DNAH7: variants seen among roughly 807,000 people sequenced by gnomAD.
The protein encoded by DNAH7 is dynein axonemal heavy chain 7.
A neutral mutation model predicts 444.6 loss-of-function variants in DNAH7; 397 were observed. That is an observed-to-expected ratio of 0.89 (90% CI 0.82 to 0.97). The LOEUF is 0.97. Ranked by LOEUF, DNAH7 falls within the 50% of genes least tolerant of loss-of-function variation. The pLI is 0.00. For missense variants in DNAH7, 4,902 were observed against 4,800.8 expected, an observed-to-expected ratio of 1.02 and a Z score of -0.62; for synonymous variants, 1,636 against 1,624.4, an observed-to-expected ratio of 1.01 and a Z score of -0.17.
chr2:195,954,186 C>A (rs1249272460), intron 19 of DNAH7, among the ~76,000 whole-genome samples: 1 of 152,120 alleles, frequency 6.6e-6, no homozygotes, highest in Non-Finnish European at 1.5e-5. Flanking sequence ...ACTCTCCCCA[C>A]CCCACGACAG....
At chr2:195,818,923 CTTTTTAA>C (rs1373820311) in intron 49 of DNAH7, among the ~76,000 whole-genome samples, 5 of 151,968 alleles carry the variant, frequency 3.3e-5, no homozygotes, top group African/African-American at 1.2e-4. Context: ...TATCACCAAT[CTTTTTAA>C]TTTTTAATTT....
At chr2:195,985,505 T>C (rs1250604391) in intron 14 of DNAH7, among the ~76,000 whole-genome samples, 2 of 152,182 alleles carry the variant, frequency 1.3e-5, no homozygotes, top group Non-Finnish European at 2.9e-5. Flanking sequence ...CTGAATGGTG[T>C]GACAGACTTC....
chr2:196,054,281 G>A (rs778858817), intron 2 of DNAH7, among the ~76,000 whole-genome samples: 12 of 152,170 alleles, frequency 7.9e-5, no homozygotes, highest in Admixed American at 5.2e-4. Flanking sequence ...AGCACTTTGG[G>A]AGGCAAAGGG....
chr2:196,028,073 C>A, intron 5 of DNAH7, 26 bp from the exon 6 acceptor site: 1 of 1,586,738 alleles, frequency 6.3e-7, no homozygotes, highest in South Asian at 1.1e-5. Flanking sequence ...ACATACTATT[C>A]AAAAGTAGAT....
chr2:195,791,340 G>A (rs896689595), intron 57 of DNAH7, among the ~76,000 whole-genome samples: 9 of 147,818 alleles, frequency 6.1e-5, no homozygotes, highest in South Asian at 2.2e-4. Flanking sequence ...GGTGGCGGGC[G>A]CCTGTAGTCC....
intron 63 of DNAH7, among the ~76,000 whole-genome samples, chr2:195,747,256 G>T (rs1437449014): frequency 1.3e-5 from 2 of 152,144 alleles, no homozygotes; most frequent in Non-Finnish European, 2.9e-5. Flanking sequence ...TAGAAGAAAT[G>T]GATAAATTCC....
intron 46 of DNAH7, among the ~76,000 whole-genome samples, chr2:195,847,431 A>G (rs1330224842): frequency 6.6e-6 from 1 of 151,962 alleles, no homozygotes; most frequent in African/African-American, 2.4e-5. Context: ...TATAAGTGGG[A>G]GCTAAATGAT....
chr2:195,829,735 TA>T (rs1470583514), intron 48 of DNAH7, among the ~76,000 whole-genome samples: 1 of 152,056 alleles, frequency 6.6e-6, no homozygotes, highest in African/African-American at 2.4e-5. Flanking sequence ...TTAATATATG[TA>T]AAAATCATTT....
At chr2:195,994,790 G>A in intron 12 of DNAH7, 2 of 467,436 alleles carry the variant, frequency 4.3e-6, no homozygotes, top group Middle Eastern at 7.0e-4. Context: ...GCGGTTAATA[G>A]TTTGAGGTCC....
chr2:195,796,103 G>GCC (rs1255979018), intron 56 of DNAH7, among the ~76,000 whole-genome samples: 1 of 152,196 alleles, frequency 6.6e-6, no homozygotes, highest in South Asian at 2.1e-4. Flanking sequence ...TGGGAACAGT[G>GCC]CCCTTTGGGT....
chr2:196,026,904 C>T lies in DNAH7; in HGVS notation c.523G>A (p.Asp175Asn). The change falls in exon 7 of 65, where the codon GAC becomes AAC. Residue 175 changes from aspartate to asparagine, a missense_variant. Coordinates refer to ENST00000312428, the MANE Select transcript of DNAH7 (RefSeq NM_018897.3). ...YYYIHHGIDT[D>N]HVAPMEDSWL... ...GAATCTTCCATTGGGGCTACATGGT[C>T]TGTATCAATTCCATGGTGAATATAA... The T allele has an allele frequency of 6.2e-7, 1 of 1,611,592 alleles. No homozygotes were observed. The highest frequency in any genetic ancestry group is 2.2e-5 in the East Asian group (1 of 44,722).
chr2:195,882,442 A>C (rs1341939846), intron 35 of DNAH7, among the ~76,000 whole-genome samples: 18 of 152,216 alleles, frequency 1.2e-4, no homozygotes, highest in Admixed American at 1.2e-3. Context: ...TTATCATTGC[A>C]GGCAAAATTT....
intron 10 of DNAH7, among the ~76,000 whole-genome samples, chr2:196,009,441 G>C (rs566511688): frequency 1.1e-4 from 17 of 152,158 alleles, no homozygotes; most frequent in South Asian, 1.0e-3. Flanking sequence ...AATTTCAAAA[G>C]AGAACAAAAA....
chr2:196,053,945 T>G (rs1311362104), intron 2 of DNAH7, among the ~76,000 whole-genome samples: 1 of 152,196 alleles, frequency 6.6e-6, no homozygotes, highest in African/African-American at 2.4e-5. Context: ...ATGAAGCCCA[T>G]GTGTTCCCAC....
chr2:195,918,430 C>T (rs1687818746), intron 24 of DNAH7, among the ~76,000 whole-genome samples: 1 of 152,286 alleles, frequency 6.6e-6, no homozygotes, highest in Admixed American at 6.5e-5. Flanking sequence ...AGTTATTTAC[C>T]CAAATGAGTT....
intron 48 of DNAH7, among the ~76,000 whole-genome samples, chr2:195,830,802 CTCA>C (rs1698031407): frequency 6.6e-6 from 1 of 152,184 alleles, no homozygotes; most frequent in African/African-American, 2.4e-5. Flanking sequence ...CTTCTAAATC[CTCA>C]TTTTGTCTGT....
intron 60 of DNAH7, 42 bp from the exon 61 acceptor site, chr2:195,771,932 G>T: frequency 6.5e-7 from 1 of 1,544,090 alleles, no homozygotes; most frequent in Non-Finnish European, 9.0e-7. Flanking sequence ...CCTCATAAAG[G>T]TCTAACAATA....
At chr2:195,898,740 C>G (rs999343879) in intron 28 of DNAH7, among the ~76,000 whole-genome samples, 4 of 152,164 alleles carry the variant, frequency 2.6e-5, no homozygotes, top group Non-Finnish European at 5.9e-5. Flanking sequence ...GACGGCTGGT[C>G]ATGCACTAAG....
At chr2:195,744,327 G>A (rs1008378704) in intron 63 of DNAH7, among the ~76,000 whole-genome samples, 1 of 152,234 alleles carries the variant, frequency 6.6e-6, no homozygotes, top group African/African-American at 2.4e-5. Flanking sequence ...GCCCGCCATT[G>A]CCCAGGCTTG....
Sources: allele counts gnomAD v4.1 joint callset (sites outside exome capture counted in the v4.1 genomes callset), GRCh38; gene constraint gnomAD v4.1.1; transcripts MANE v1.5; gene names NCBI Gene and HGNC (gene_info 2026-07-23, HGNC 2026-07-21).